The following CCDC102B variants were observed in gnomAD, a reference collection of about 807,000 sequenced individuals.
CCDC102B encodes coiled-coil domain containing 102B, also known as coiled-coil domain-containing protein 102B.
In CCDC102B, 75 loss-of-function variants were observed where a neutral mutation model predicts 57.4. The observed-to-expected ratio is 1.31, with a 90% CI of 1.08 to 1.58. CCDC102B has a LOEUF of 1.58. Ranked by LOEUF, CCDC102B falls within the 40% of genes most tolerant of loss-of-function variation. The pLI is 0.00. For missense variants in CCDC102B, 636 were observed against 582.6 expected, an observed-to-expected ratio of 1.09 and a Z score of -0.94; for synonymous variants, 206 against 201.9, an observed-to-expected ratio of 1.02 and a Z score of -0.17.
chr18:68,834,977 A>G (rs1417750765), intron 1 of CCDC102B, among the ~76,000 whole-genome samples: 4 of 152,108 alleles, frequency 2.6e-5, no homozygotes, highest in Admixed American at 2.6e-4. Context: ...ATAAAATATT[A>G]TATAAGATTA....
chr18:68,965,179 C>T (rs942889711), intron 6 of CCDC102B, among the ~76,000 whole-genome samples: 1 of 151,900 alleles, frequency 6.6e-6, no homozygotes, highest in African/African-American at 2.4e-5. Flanking sequence ...TTCTAGGACT[C>T]CAATGAAATG....
intron 6 of CCDC102B, among the ~76,000 whole-genome samples, chr18:68,950,794 G>C (rs1217117978): frequency 6.6e-6 from 1 of 152,100 alleles, no homozygotes. Context: ...ACTAATTCTA[G>C]ATTTACTGAT....
chr18:68,853,826 A>C (rs2038256783), intron 4 of CCDC102B, among the ~76,000 whole-genome samples: 2 of 152,014 alleles, frequency 1.3e-5, no homozygotes, highest in South Asian at 4.1e-4. Context: ...CTATAAGCAC[A>C]CACACACTTA....
At chr18:68,737,240 A>G (rs2033173327) in intron 2 of CCDC102B, among the ~76,000 whole-genome samples, 2 of 152,032 alleles carry the variant, frequency 1.3e-5, no homozygotes, top group South Asian at 4.2e-4. Context: ...GTCCCTGGGG[A>G]CGCTCATGTA....
intron 6 of CCDC102B, among the ~76,000 whole-genome samples, chr18:68,937,862 G>T (rs928281939): frequency 6.6e-6 from 1 of 152,088 alleles, no homozygotes; most frequent in African/African-American, 2.4e-5. Context: ...GCGATGTTTG[G>T]TTTTCTGTTC....
intron 6 of CCDC102B, among the ~76,000 whole-genome samples, chr18:68,991,599 G>A (rs2050868617): frequency 6.6e-6 from 1 of 152,110 alleles, no homozygotes; most frequent in South Asian, 2.1e-4. Flanking sequence ...CTAAAATTTT[G>A]GTGACTAACC....
At chr18:68,983,957 A>C (rs2050659705) in intron 6 of CCDC102B, among the ~76,000 whole-genome samples, 1 of 151,948 alleles carries the variant, frequency 6.6e-6, no homozygotes, top group African/African-American at 2.4e-5. Flanking sequence ...ACATTTTTTC[A>C]AGAAAAAAAA....
chr18:68,938,623 C>T (rs2145160976), intron 6 of CCDC102B, among the ~76,000 whole-genome samples: 1 of 151,810 alleles, frequency 6.6e-6, no homozygotes, highest in African/African-American at 2.4e-5. Context: ...TCATTTTATA[C>T]TTAAAATCAT....
intron 6 of CCDC102B, among the ~76,000 whole-genome samples, chr18:68,988,639 G>C (rs2050787151): frequency 6.6e-6 from 1 of 152,042 alleles, no homozygotes; most frequent in Admixed American, 6.5e-5. Flanking sequence ...CTGAAAAAGA[G>C]TACTGGAATC....
intron 1 of CCDC102B, among the ~76,000 whole-genome samples, chr18:68,820,144 C>T (rs867088654): frequency 6.6e-5 from 10 of 152,080 alleles, no homozygotes; most frequent in East Asian, 1.9e-4. Context: ...ATACTATTTT[C>T]GGGGGTAAAG....
At chr18:68,935,245 G>A (rs905941373) in intron 6 of CCDC102B, among the ~76,000 whole-genome samples, 2 of 151,966 alleles carry the variant, frequency 1.3e-5, no homozygotes, top group African/African-American at 2.4e-5. Flanking sequence ...AATGGATAGT[G>A]CAAGAAACAC....
intron 7 of CCDC102B, among the ~76,000 whole-genome samples, chr18:69,019,797 A>G (rs1361132745): frequency 6.6e-6 from 1 of 152,114 alleles, no homozygotes; most frequent in Non-Finnish European, 1.5e-5. Flanking sequence ...TGCTTGTATT[A>G]TAACAGATCT....
At chr18:68,752,325 A>G (rs2033886346) in intron 2 of CCDC102B, among the ~76,000 whole-genome samples, 1 of 152,154 alleles carries the variant, frequency 6.6e-6, no homozygotes, top group African/African-American at 2.4e-5. Flanking sequence ...ACTTCTCATC[A>G]GCAACAATGG....
At chr18:68,861,087 A>T (rs1240064963) in intron 4 of CCDC102B, among the ~76,000 whole-genome samples, 1 of 150,866 alleles carries the variant, frequency 6.6e-6, no homozygotes, top group East Asian at 2.0e-4. Flanking sequence ...TACAGTGCCC[A>T]GCATATAGGA....
chr18:68,960,116 A>G (rs1446225004), intron 6 of CCDC102B, among the ~76,000 whole-genome samples: 1 of 152,192 alleles, frequency 6.6e-6, no homozygotes, highest in Non-Finnish European at 1.5e-5. Context: ...ACCTATAGCC[A>G]GTAGAGCTCA....
chr18:69,010,837 C>T, intron 6 of CCDC102B, 97 bp from the exon 7 acceptor site: 1 of 821,620 alleles, frequency 1.2e-6, no homozygotes, highest in South Asian at 2.7e-5. Flanking sequence ...CTAAATTCTT[C>T]CTAAAATGTT....
At chr18:69,001,875 A>G (rs1156288790) in intron 6 of CCDC102B, among the ~76,000 whole-genome samples, 2 of 152,184 alleles carry the variant, frequency 1.3e-5, no homozygotes, top group African/African-American at 4.8e-5. Flanking sequence ...CCCCTTGTCC[A>G]GTTTCCCTGC....
chr18:69,046,846 A>C (rs1394146215), intron 7 of CCDC102B, among the ~76,000 whole-genome samples: 1 of 152,128 alleles, frequency 6.6e-6, no homozygotes, highest in Non-Finnish European at 1.5e-5. Context: ...CATTTATTCA[A>C]TAGAGAGTCC....
chr18:68,891,704 T>C (rs2040084907), intron 5 of CCDC102B, among the ~76,000 whole-genome samples: 1 of 152,212 alleles, frequency 6.6e-6, no homozygotes, highest in South Asian at 2.1e-4. Flanking sequence ...CTTGTGTCAT[T>C]ACATGGTCTT....
Sources: allele counts gnomAD v4.1 joint callset (sites outside exome capture counted in the v4.1 genomes callset), GRCh38; gene constraint gnomAD v4.1.1; transcripts MANE v1.5; gene names NCBI Gene and HGNC (gene_info 2026-07-23, HGNC 2026-07-21).